Variants in SS18 observed in about 807,000 individuals in gnomAD.
SS18 encodes the protein SS18 subunit of BAF chromatin remodeling complex, also known as protein SSXT.
Under a neutral mutation model 72.5 loss-of-function variants are expected in SS18, and 28 were observed. That is an observed-to-expected ratio of 0.39 (90% confidence interval 0.29 to 0.53). The LOEUF (loss-of-function observed/expected upper bound fraction) is 0.53, where lower values mean the gene tolerates loss of function less well. SS18 is among the 20% of genes least tolerant of loss of function. The probability of loss-of-function intolerance (pLI) is 0.76; values close to 1 mark genes in which losing one functional copy is unlikely to be tolerated. For missense variants in SS18, 518 were observed against 535.3 expected, an observed-to-expected ratio of 0.97 and a Z score of 0.32; for synonymous variants, 172 against 164.2, an observed-to-expected ratio of 1.05 and a Z score of -0.37.
chr18:26,049,342 GAAAT>G (rs2053882566), intron 5 of SS18, among the ~76,000 whole-genome samples: 1 of 152,136 alleles, frequency 6.6e-6, no homozygotes, highest in Non-Finnish European at 1.5e-5. Context: ...AGAAATGAAA[GAAAT>G]AAATAAGATT....
chr18:26,051,101 C>A (rs1373668080), intron 5 of SS18, among the ~76,000 whole-genome samples: 2 of 152,002 alleles, frequency 1.3e-5, no homozygotes, highest in Non-Finnish European at 2.9e-5. Context: ...CTTTGGGAGG[C>A]CAAGGCAGGT....
At chr18:26,052,486 A>C (rs1377967441) in intron 5 of SS18, 138 bp downstream of exon 5, 1 of 661,804 alleles carries the variant, frequency 1.5e-6, no homozygotes, top group Non-Finnish European at 2.6e-6. Flanking sequence ...CAAACTCAAC[A>C]TCTCCTTTTT....
intron 9 of SS18, among the ~76,000 whole-genome samples, chr18:26,034,614 T>TA (rs1035472667): frequency 4.0e-5 from 6 of 151,830 alleles, no homozygotes; most frequent in Non-Finnish European, 4.4e-5. Context: ...CAGTATGTCT[T>TA]AAAAAAAACT....
In SS18 at chr18:26,052,785, G is replaced by C. The variant is rs2053945097; in HGVS notation, c.446C>G (p.Ser149Cys). 6.2e-7 allele frequency: 1 copy of C among 1,614,024 alleles called. No homozygotes were observed. Among genetic ancestry groups the C allele is most frequent in the African/African-American group, 1.3e-5 (1 of 74,924 alleles). ...ATGGCTACTTGAAGGCATATTCATGGAACTGTTTGTCATATTGAGTTGATT... is the reference window on the plus strand; with the variant it reads ...ATGGCTACTTGAAGGCATATTCATGCAACTGTTTGTCATATTGAGTTGATT... ...GPNQLNMTNSSMNMPSSSHGS... is the reference protein window; with the variant it reads ...GPNQLNMTNSCMNMPSSSHGS... The change falls in exon 5 of 11, where the codon TCC becomes TGC. Residue 149 changes from serine (S) to cysteine (C), a missense_variant. Ser to Cys is a moderately radical substitution (Grantham distance 112). Transcript: ENST00000415083.
At chr18:26,018,752 G>A (rs1350731892) in intron 10 of SS18, among the ~76,000 whole-genome samples, 1 of 152,210 alleles carries the variant, frequency 6.6e-6, no homozygotes, top group Admixed American at 6.5e-5. Context: ...TCATATGCTA[G>A]TGTGACAACT....
At chr18:26,037,107 T>C (rs1028652922) in intron 7 of SS18, among the ~76,000 whole-genome samples, 3 of 152,058 alleles carry the variant, frequency 2.0e-5, no homozygotes, top group Non-Finnish European at 4.4e-5. Flanking sequence ...TCGACATAAA[T>C]AGAATACTCT....
intron 3 of SS18, among the ~76,000 whole-genome samples, chr18:26,058,555 G>A (rs903431670): frequency 2.6e-5 from 4 of 152,192 alleles, no homozygotes; most frequent in African/African-American, 7.2e-5. Flanking sequence ...GTCCATTCCT[G>A]TATTATCAGT....
chr18:26,086,247 A>C (rs2054613546), intron 2 of SS18, among the ~76,000 whole-genome samples: 1 of 152,166 alleles, frequency 6.6e-6, no homozygotes, highest in South Asian at 2.1e-4. Context: ...GGACTTTGGT[A>C]TCCATGGGGA....
Position 26,078,492 on chromosome 18 carries a change from G to A in SS18, c.147-332C>T, listed in dbSNP as rs140400590. On this transcript the variant is annotated intron_variant, in intron 2 of 10. Transcript: ENST00000415083. ...TTAGAGAGGTTGATAACTTGTACAT[G>A]ATTGCATAGCTAGTAGATGGAATAA... 291 of 190,488 alleles carry A rather than the reference G, an allele frequency of 1.5e-3. 1 individual carries two copies. The highest frequency in any genetic ancestry group is 6.6e-3 in the African/African-American group (279 of 42,454). The allele number at this position is 190,488 out of a possible 1,614,324, so 11.8% of individuals were successfully genotyped here.
At position 26,039,313 on chromosome 18, in the gene SS18, G is replaced by C. The variant is rs761697538; in HGVS notation, c.751C>G (p.Pro251Ala). 2 of 1,613,190 alleles carry C rather than the reference G, an allele frequency of 1.2e-6. No individual in the cohort carries two copies. Among genetic ancestry groups the C allele is most frequent in the African/African-American group, 1.3e-5 (1 of 74,934 alleles). The change falls in exon 6 of 11, where the codon CCT (proline) becomes GCT (alanine). Residue 251 changes from proline to alanine, a missense_variant. Physicochemically the swap from Pro to Ala is conservative, Grantham distance 27. Transcript: ENST00000415083. Reference protein sequence around the residue: ...GNHMMGQRQIPPYRPPQQGPP... With the variant: ...GNHMMGQRQIAPYRPPQQGPP... The stretch of plus-strand genomic sequence containing the variant: ...CCCTGTTGAGGAGGTCTATAGGGAG[G>C]AATCTGTCTCTGACCCATCATATGA...
intron 4 of SS18, among the ~76,000 whole-genome samples, chr18:26,055,736 G>T (rs2054006285): frequency 6.6e-6 from 1 of 151,280 alleles, no homozygotes; most frequent in African/African-American, 2.4e-5. Context: ...ACTATTGTTA[G>T]GAGAAATTCT....
chr18:26,023,077 T>C (rs559853106), intron 10 of SS18, among the ~76,000 whole-genome samples: 1 of 152,274 alleles, frequency 6.6e-6, no homozygotes, highest in Admixed American at 6.5e-5. Context: ...AAAGCAAAGC[T>C]TAAGAATATC....
At chr18:26,083,307 C>G (rs2144171820) in intron 2 of SS18, among the ~76,000 whole-genome samples, 1 of 152,206 alleles carries the variant, frequency 6.6e-6, no homozygotes, top group East Asian at 1.9e-4. Context: ...TCAGTTGGTT[C>G]TAGACCTAAA....
intron 9 of SS18, among the ~76,000 whole-genome samples, chr18:26,034,095 T>G (rs2143847802): frequency 6.6e-6 from 1 of 152,276 alleles, no homozygotes; most frequent in East Asian, 1.9e-4. Flanking sequence ...AATACCTGAC[T>G]CCCAATATCT....
chr18:26,082,882 A>T (rs1052108527), intron 2 of SS18, among the ~76,000 whole-genome samples: 7 of 151,426 alleles, frequency 4.6e-5, no homozygotes, highest in Non-Finnish European at 8.9e-5. Context: ...TTTTTAATTT[A>T]AAAAAAAACA....
chr18:26,088,689 T>G (rs1273870435), intron 1 of SS18, among the ~76,000 whole-genome samples: 11 of 152,168 alleles, frequency 7.2e-5, no homozygotes, highest in Non-Finnish European at 8.8e-5. Flanking sequence ...GCAAGTCACT[T>G]AAGTTTTCAG....
chr18:26,051,213 A>T (rs1422158581), intron 5 of SS18, among the ~76,000 whole-genome samples: 1 of 152,120 alleles, frequency 6.6e-6, no homozygotes, highest in Non-Finnish European at 1.5e-5. Context: ...AAAAAGAAGA[A>T]ATTTATAACT....
chr18:26,060,847 T>C (rs2054110423), intron 3 of SS18, among the ~76,000 whole-genome samples: 1 of 139,764 alleles, frequency 7.2e-6, no homozygotes, highest in East Asian at 2.1e-4. Context: ...TCCCTGATAC[T>C]TGGGAGGCTG....
intron 2 of SS18, chr18:26,079,228 A>C (rs1180845308): frequency 6.6e-6 from 1 of 152,260 alleles, no homozygotes; most frequent in Non-Finnish European, 1.5e-5. Flanking sequence ...ATTCATTATC[A>C]GCATTACGTG....
Sources: gnomAD v4.1 joint callset for allele counts (sites outside exome capture counted in the v4.1 genomes callset) on GRCh38, gnomAD v4.1.1 for gene constraint, MANE v1.5 for transcripts, NCBI Gene and HGNC (gene_info 2026-07-23, HGNC 2026-07-21) for gene names.